CWC22: variants seen among roughly 807,000 people sequenced by gnomAD.
CWC22 encodes CWC22 spliceosome associated protein, also known as pre-mRNA-splicing factor CWC22 homolog.
A neutral mutation model predicts 117.2 loss-of-function variants in CWC22; 53 were observed. The ratio of observed to expected loss-of-function variants is 0.45; its 90% CI spans 0.36 to 0.57. The LOEUF (loss-of-function observed/expected upper bound fraction) is 0.57, where lower values mean the gene tolerates loss of function less well. CWC22 is among the 20% of genes least tolerant of loss of function. CWC22 has a pLI of 0.00. For missense variants in CWC22, 980 were observed against 1,068.8 expected (o/e 0.92, Z 1.16); for synonymous variants, 360 against 355.6 (o/e 1.01, Z -0.14).
intron 8 of CWC22, among the ~76,000 whole-genome samples, chr2:179,971,785 T>C (rs1687041751): frequency 6.6e-6 from 1 of 152,204 alleles, no homozygotes; most frequent in African/African-American, 2.4e-5. Flanking sequence ...ACATATGCCT[T>C]TCTAAAGTCA....
At position 179,973,858 on chromosome 2, in the gene CWC22, G is replaced by A. The variant is rs141433232; in HGVS notation, c.582-56C>T. The A allele has an allele frequency of 1.1e-4, 116 of 1,025,332 alleles. No homozygotes were observed. The African/African-American group carries it at 1.5e-3, about 13-fold the overall frequency. 63.5% of individuals were successfully genotyped at this position (1,025,332 alleles called of 1,614,324 possible). ...ACAATAATCACCAAATTAATTAAAC[G>A]AAACAAAAACTATTAAAATTCAGTA... On this transcript the variant is annotated intron_variant, in intron 6 of 19. Transcript: ENST00000410053.
At chr2:179,977,403 C>G (rs1422824395) in intron 6 of CWC22, among the ~76,000 whole-genome samples, 1 of 152,042 alleles carries the variant, frequency 6.6e-6, no homozygotes, top group South Asian at 2.1e-4. Context: ...TAAAGGAAAT[C>G]CTGTCATTTG....
intron 19 of CWC22, among the ~76,000 whole-genome samples, chr2:179,947,072 A>G (rs1263615075): frequency 6.6e-6 from 1 of 152,234 alleles, no homozygotes; most frequent in African/African-American, 2.4e-5. Context: ...TGGGTGCACA[A>G]ATCAAAGATG....
chr2:180,002,083 C>T, intron 1 of CWC22, among the ~76,000 whole-genome samples: 1 of 152,178 alleles, frequency 6.6e-6, no homozygotes, highest in East Asian at 1.9e-4. Context: ...CTCTAGAGTT[C>T]CAAATCATGA....
At chr2:179,968,668 A>C (rs971315988) in intron 11 of CWC22, among the ~76,000 whole-genome samples, 1 of 151,894 alleles carries the variant, frequency 6.6e-6, no homozygotes, top group African/African-American at 2.4e-5. Context: ...CCCCAGTTCA[A>C]GCGATTCTCC....
intron 14 of CWC22, 56 bp downstream of exon 14, chr2:179,958,966 T>G (rs1686676383): frequency 9.1e-7 from 1 of 1,093,332 alleles, no homozygotes; most frequent in South Asian, 1.4e-5. Flanking sequence ...ATTAACAGCC[T>G]TAAACATTTT....
chr2:180,003,265 A>G (rs897616670), intron 1 of CWC22, among the ~76,000 whole-genome samples: 2 of 152,180 alleles, frequency 1.3e-5, no homozygotes, highest in Admixed American at 6.5e-5. Flanking sequence ...TTCCTCATTG[A>G]GTGAGATGAA....
chr2:179,970,215 G>T (rs1223602825), intron 11 of CWC22, among the ~76,000 whole-genome samples: 1 of 152,096 alleles, frequency 6.6e-6, no homozygotes, highest in Non-Finnish European at 1.5e-5. Context: ...CTAAATAAAG[G>T]CCACCACTAA....
chr2:179,981,262 T>A (rs1412891847), intron 5 of CWC22, among the ~76,000 whole-genome samples: 1 of 152,214 alleles, frequency 6.6e-6, no homozygotes, highest in Non-Finnish European at 1.5e-5. Context: ...TATGACTATT[T>A]TCACATTTCA....
chr2:179,973,367 A>G lies in CWC22; in HGVS notation c.751-121T>C. On this transcript the variant is annotated intron_variant, in intron 7 of 19. Coordinates refer to ENST00000410053, the MANE Select transcript of CWC22 (RefSeq NM_020943.3). ...TGTACCACACAAGTATAATTTTTACATTATAAGAAAGTTACAAAATAAAAC... is the reference window on the plus strand; with the variant it reads ...TGTACCACACAAGTATAATTTTTACGTTATAAGAAAGTTACAAAATAAAAC... 1.1e-5 allele frequency: 8 copies of G among 718,312 alleles called. 1 individual carries two copies. In the South Asian group the frequency reaches 1.6e-4, roughly 14 times the overall value. The allele number at this position is 718,312 out of a possible 1,614,324, so 44.5% of individuals were successfully genotyped here.
intron 8 of CWC22, among the ~76,000 whole-genome samples, chr2:179,972,513 A>G (rs1687057520): frequency 2.0e-5 from 3 of 152,198 alleles, no homozygotes. Context: ...AGGTTTTTGT[A>G]GAATATCAGA....
At chr2:179,967,683 G>A (rs1226293808) in intron 11 of CWC22, among the ~76,000 whole-genome samples, 2 of 152,052 alleles carry the variant, frequency 1.3e-5, no homozygotes, top group Non-Finnish European at 2.9e-5. Flanking sequence ...CCTGAATATA[G>A]GACTTTATCC....
At chr2:179,954,830 A>G in intron 15 of CWC22, 127 bp downstream of exon 15, 1 of 619,326 alleles carries the variant, frequency 1.6e-6, no homozygotes, top group Non-Finnish European at 2.9e-6. Flanking sequence ...AAACCTGAGG[A>G]AGGAGAGAAT....
intron 14 of CWC22, 109 bp from the exon 15 acceptor site, chr2:179,955,143 A>G (rs562391597): frequency 5.1e-5 from 39 of 759,152 alleles, no homozygotes; most frequent in Non-Finnish European, 6.2e-5. Flanking sequence ...AGGGTTTAAA[A>G]CAGTTCAAAA....
intron 4 of CWC22, 35 bp downstream of exon 4, chr2:179,986,660 C>A (rs1357352269): frequency 2.5e-6 from 3 of 1,209,792 alleles, no homozygotes; most frequent in Middle Eastern, 1.9e-4. Flanking sequence ...TAAACAAATA[C>A]AATTTTCTAC....
At chr2:179,972,995 T>G (rs6433820) in intron 8 of CWC22, among the ~76,000 whole-genome samples, 198 bp downstream of exon 8, 1 of 151,518 alleles carries the variant, frequency 6.6e-6, no homozygotes, top group Admixed American at 6.6e-5. Flanking sequence ...GGCGACAGAG[T>G]GAGACTCCAT....
At chr2:180,001,661 A>G (rs1687852822) in intron 1 of CWC22, among the ~76,000 whole-genome samples, 1 of 152,166 alleles carries the variant, frequency 6.6e-6, no homozygotes, top group Admixed American at 6.5e-5. Flanking sequence ...TCTCCTACCC[A>G]CTGTAATTCA....
intron 1 of CWC22, among the ~76,000 whole-genome samples, chr2:180,002,551 C>A (rs1687872686): frequency 6.6e-6 from 1 of 152,134 alleles, no homozygotes; most frequent in Non-Finnish European, 1.5e-5. Context: ...CAGTCATGGT[C>A]TTTACTAAAG....
At position 179,945,637 on chromosome 2, in the gene CWC22, T is replaced by C; in HGVS notation, c.2219A>G (p.Asn740Ser). The change falls in exon 20 of 20, where the codon AAT becomes AGT. Residue 740 changes from asparagine to serine, a missense_variant. Physicochemically the swap from Asn to Ser is conservative, Grantham distance 46. This residue lies in a region of CWC22 where 306 missense variants were observed against 296.8 expected (regional missense o/e 1.03). Coordinates refer to ENST00000410053, the MANE Select transcript of CWC22 (RefSeq NM_020943.3). ...TCTTCTTTCTTTTTGTTTCCTATCATTTGTTTGCTGGTTTCTGATCAATTT... is the reference window on the plus strand; with the variant it reads ...TCTTCTTTCTTTTTGTTTCCTATCACTTGTTTGCTGGTTTCTGATCAATTT... The part of the protein sequence containing the change: ...VDKLIRNQQT[N>S]DRKQKERRQE... 2 of 1,612,632 alleles carry C rather than the reference T, an allele frequency of 1.2e-6. No homozygotes were observed. Among genetic ancestry groups the C allele is most frequent in the East Asian group, 2.2e-5 (1 of 44,862 alleles).
Sources: allele counts gnomAD v4.1 joint callset (sites outside exome capture counted in the v4.1 genomes callset), GRCh38; gene constraint gnomAD v4.1.1; regional missense constraint gnomAD v4.1.1; transcripts MANE v1.5; gene names NCBI Gene and HGNC (gene_info 2026-07-23, HGNC 2026-07-21).